LXN: variants seen among roughly 807,000 people sequenced by gnomAD.
LXN encodes the protein latexin.
In LXN, 28 loss-of-function variants were observed where a neutral mutation model predicts 29.8. The ratio of observed to expected loss-of-function variants is 0.94; its 90% CI spans 0.70 to 1.29. LXN has a LOEUF of 1.29. LXN is among the 50% of genes most tolerant of loss of function. The pLI is 0.00. For synonymous variants in LXN, 77 were observed against 89.6 expected, an observed-to-expected ratio of 0.86 and a Z score of 0.80; for missense variants, 227 against 261.7, an observed-to-expected ratio of 0.87 and a Z score of 0.92.
Position 158,669,426 on chromosome 3 carries a change from T to C in LXN, c.370+7A>G. The C allele has an allele frequency of 6.2e-7, 1 of 1,603,524 alleles. No homozygotes were observed. The highest frequency in any genetic ancestry group is 2.2e-5 in the East Asian group (1 of 44,792). ...AAACAAATGGTTTTCATGCCATATT[T>C]ATATACCTGGAATATTTTGTGCTTC... On this transcript the variant is annotated splice_region_variant and intron_variant, in intron 3 of 5. Coordinates refer to ENST00000264265, the MANE Select transcript of LXN (RefSeq NM_020169.4).
chr3:158,669,320 C>G, intron 3 of LXN, 113 bp downstream of exon 3: 1 of 1,251,086 alleles, frequency 8.0e-7, no homozygotes, highest in Non-Finnish European at 1.1e-6. Flanking sequence ...AGTATTTTTG[C>G]AAAAGCCTGT....
At position 158,669,616 on chromosome 3, in the gene LXN, T is replaced by G. The variant is rs200884411; in HGVS notation, c.193-6A>C. On this transcript the variant is annotated splice_polypyrimidine_tract_variant and splice_region_variant and intron_variant, in intron 2 of 5. Transcript: ENST00000264265. Reference sequence around the variant, plus strand: ...GTGCAGTTCACCTTAACTTGCTGTTTGAAATTTAGCAAAATATCCTTATAT... The same window carrying G: ...GTGCAGTTCACCTTAACTTGCTGTTGGAAATTTAGCAAAATATCCTTATAT... 6.2e-7 allele frequency: 1 copy of G among 1,612,792 alleles called. No individual in the cohort carries two copies. Among genetic ancestry groups the G allele is most frequent in the Admixed American group, 1.7e-5 (1 of 59,724 alleles).
intron 4 of LXN, 41 bp from the exon 5 acceptor site, chr3:158,667,115 T>C: frequency 6.6e-7 from 1 of 1,516,868 alleles, no homozygotes; most frequent in East Asian, 2.3e-5. Flanking sequence ...AAACTTAATA[T>C]CTTTGGCAAA....
intron 2 of LXN, 96 bp from the exon 3 acceptor site, chr3:158,669,706 G>T: frequency 8.2e-7 from 1 of 1,212,652 alleles, no homozygotes. Context: ...GCTCCTAATG[G>T]TGTTGTTTTA....
rs1723720126 is a variant in LXN at position 158,666,660 on chromosome 3, C to T, written c.655G>A (p.Val219Ile). Reference sequence around the variant, plus strand: ...AGGGTTTTTGTTTATTCCAGTTGTACTTCCTTTGGCAGACGGCTATTATGT... The same window carrying T: ...AGGGTTTTTGTTTATTCCAGTTGTATTTCCTTTGGCAGACGGCTATTATGT... Reference protein sequence around the residue: ...VKHNSRLPKEVQLE With the variant: ...VKHNSRLPKEIQLE Residue 219 changes from valine to isoleucine, a missense_variant, in exon 6 of 6, where the codon GTA (valine) becomes ATA (isoleucine). Transcript: ENST00000264265. 2.5e-6 allele frequency: 4 copies of T among 1,613,658 alleles called. No individual in the cohort carries two copies. The highest frequency in any genetic ancestry group is 1.3e-5 in the African/African-American group (1 of 75,028).
intron 2 of LXN, 51 bp downstream of exon 2, chr3:158,670,906 C>G (rs1055654223): frequency 2.1e-6 from 3 of 1,438,994 alleles, no homozygotes; most frequent in Non-Finnish European, 2.8e-6. Context: ...GCACTTCAGC[C>G]TGGGTGATAG....
rs557001821 is a variant in LXN at position 158,669,516 on chromosome 3, C to A, written c.287G>T (p.Gly96Val). The change falls in exon 3 of 6, where the codon GGA (glycine) becomes GTA (valine). Residue 96 changes from glycine (G) to valine (V), a missense_variant. Physicochemically the swap from Gly to Val is moderately radical, Grantham distance 109 (BLOSUM62 -3). Transcript: ENST00000264265. ...GTTGTCTTCTTCATCTGGATTCTTT[C>A]CAGTTTCTCCTTCAAATGTGAAGTT... is the stretch of plus-strand genomic sequence containing the variant. ...EVNFTFEGET[G>V]KNPDEEDNTF... 4.3e-6 allele frequency: 7 copies of A among 1,613,924 alleles called. No homozygotes were observed. The African/African-American group carries it at 6.7e-5, about 15-fold the overall frequency.
intron 1 of LXN, 78 bp from the exon 2 acceptor site, chr3:158,671,097 C>T: frequency 2.2e-6 from 3 of 1,353,500 alleles, no homozygotes; most frequent in Admixed American, 6.2e-5. Flanking sequence ...GTATGCATCT[C>T]ATTTGGTTGG....
At position 158,667,926 on chromosome 3, in the gene LXN, T is replaced by C. The variant is rs146277702; in HGVS notation, c.508-852A>G. Among the ~76,000 whole-genome samples, 73 of 152,362 alleles carry C rather than the reference T, an allele frequency of 4.8e-4. No individual in the cohort carries two copies. In the South Asian group the frequency reaches 0.012, roughly 25 times the overall value. On this transcript the variant is annotated intron_variant, in intron 4 of 5. Coordinates refer to ENST00000264265, the MANE Select transcript of LXN (RefSeq NM_020169.4). Reference sequence around the variant, plus strand: ...AAAAACAGATAGTTTCAGTATGGCATGACTATAGTAATTTGAACACAAAAC... The same window carrying C: ...AAAAACAGATAGTTTCAGTATGGCACGACTATAGTAATTTGAACACAAAAC...
rs78536844 is a variant in LXN at position 158,670,372 on chromosome 3, C to T, written c.192+585G>A. Among the ~76,000 whole-genome samples the T allele has an allele frequency of 9.5e-3, 1,449 of 152,222 alleles. 30 individuals carry two copies. The highest frequency in any genetic ancestry group is 0.033 in the African/African-American group (1,365 of 41,528). On this transcript the variant is annotated intron_variant, in intron 2 of 5. Transcript: ENST00000264265. ...TGAAAAATAGAATGAGAAAAGCAGA[C>T]GTTAAGAAGATGATTGATTGGGGAA...
At chr3:158,670,595 C>T (rs1450386996) in intron 2 of LXN, among the ~76,000 whole-genome samples, 1 of 152,170 alleles carries the variant, frequency 6.6e-6, no homozygotes, top group East Asian at 1.9e-4. Context: ...CAGTGTTTTT[C>T]AGAGGCAGGT....
Position 158,672,510 on chromosome 3 carries a change from T to A in LXN, c.-32A>T. On this transcript the variant is annotated 5_prime_UTR_variant, in exon 1 of 6. Transcript: ENST00000264265. ...TGAGCAGTGACTTCAGGGCTTGGGCTACTCTGGCTTAACGGGACCAGTAGC... is the reference window on the plus strand; with the variant it reads ...TGAGCAGTGACTTCAGGGCTTGGGCAACTCTGGCTTAACGGGACCAGTAGC... 6.2e-7 allele frequency: 1 copy of A among 1,612,412 alleles called. No individual in the cohort carries two copies. Among genetic ancestry groups the A allele is most frequent in the Non-Finnish European group, 8.5e-7 (1 of 1,179,042 alleles).
At chr3:158,672,319 T>C (rs780894574) in intron 1 of LXN, 31 bp downstream of exon 1, 11 of 1,611,336 alleles carry the variant, frequency 6.8e-6, no homozygotes, top group Non-Finnish European at 8.5e-6. Flanking sequence ...TCCTGAAGCC[T>C]CTGCTGTCCA....
chr3:158,669,863 C>CT (rs1338696016), intron 2 of LXN, among the ~76,000 whole-genome samples: 6 of 152,112 alleles, frequency 3.9e-5, no homozygotes, highest in African/African-American at 1.4e-4. Flanking sequence ...AGTCTTAAAA[C>CT]TTTCAGTATA....
chr3:158,670,495 T>C (rs1020392211), intron 2 of LXN, among the ~76,000 whole-genome samples: 21 of 152,334 alleles, frequency 1.4e-4, no homozygotes, highest in Middle Eastern at 3.4e-3. Flanking sequence ...GTATAGTCTT[T>C]TTTTGTGTAG....
intron 5 of LXN, 77 bp from the exon 6 acceptor site, chr3:158,666,821 T>C: frequency 1.4e-6 from 2 of 1,471,722 alleles, no homozygotes. Flanking sequence ...TATGTTTTGT[T>C]AGAGATAAAA....
intron 1 of LXN, 147 bp downstream of exon 1, chr3:158,672,203 C>A (rs1033812532): frequency 1.0e-5 from 10 of 1,002,230 alleles, no homozygotes; most frequent in Non-Finnish European, 1.5e-5. Context: ...CTTAATATCT[C>A]AAGACCAGAT....
At chr3:158,666,919 T>G in intron 5 of LXN, 93 bp downstream of exon 5, 2 of 1,521,690 alleles carry the variant, frequency 1.3e-6, no homozygotes, top group Non-Finnish European at 1.8e-6. Context: ...ACATGAATTC[T>G]GATTTAGAGT....
At chr3:158,668,968 A>G (rs1723988685) in intron 4 of LXN, 28 bp downstream of exon 4, 7 of 1,551,376 alleles carry the variant, frequency 4.5e-6, no homozygotes, top group Admixed American at 1.8e-5. Flanking sequence ...TAACCCCATT[A>G]ATAGTGTATT....
Sources: gnomAD v4.1 joint callset for allele counts (sites outside exome capture counted in the v4.1 genomes callset) on GRCh38, gnomAD v4.1.1 for gene constraint, MANE v1.5 for transcripts, NCBI Gene and HGNC (gene_info 2026-07-23, HGNC 2026-07-21) for gene names.